The following AK5 variants were observed in gnomAD, a reference collection of about 807,000 sequenced individuals.
AK5 encodes the protein adenylate kinase isoenzyme 5.
AK5 carries 27 observed loss-of-function variants against 69.5 expected under a neutral mutation model. That is an observed-to-expected ratio of 0.39 (90% CI 0.29 to 0.54). AK5 has a LOEUF of 0.54. Among genes scored for constraint, AK5 ranks in the 20% least tolerant of loss-of-function variants. AK5 has a pLI of 0.71. For missense variants in AK5, 531 were observed against 700.4 expected, an observed-to-expected ratio of 0.76 and a Z score of 2.73; for synonymous variants, 260 against 244.4, an observed-to-expected ratio of 1.06 and a Z score of -0.60.
chr1:77,397,541 AT>A (rs555368627), intron 6 of AK5, among the ~76,000 whole-genome samples: 4 of 152,252 alleles, frequency 2.6e-5, no homozygotes, highest in East Asian at 1.9e-4. Flanking sequence ...ATCCAATTAA[AT>A]TTTTTTAATA....
chr1:77,391,390 AAT>A (rs35685699), intron 6 of AK5, among the ~76,000 whole-genome samples: 57 of 141,646 alleles, frequency 4.0e-4, no homozygotes, highest in African/African-American at 1.3e-3. Context: ...CAAAAAAAAA[AAT>A]ATATATATAT....
intron 10 of AK5, among the ~76,000 whole-genome samples, chr1:77,499,717 G>A (rs1452540575): frequency 5.3e-5 from 8 of 152,106 alleles, no homozygotes; most frequent in Non-Finnish European, 5.9e-5. Flanking sequence ...GTTCAGCAGT[G>A]AGAAACCTGG....
At chr1:77,406,050 A>C (rs1241555932) in intron 6 of AK5, among the ~76,000 whole-genome samples, 1 of 152,218 alleles carries the variant, frequency 6.6e-6, no homozygotes, top group East Asian at 1.9e-4. Flanking sequence ...CAAAAGTTCA[A>C]GGAAAAATAG....
intron 6 of AK5, among the ~76,000 whole-genome samples, chr1:77,367,645 T>TTATATATATGTTA (rs1204447838): frequency 1.5e-5 from 1 of 65,356 alleles, no homozygotes; most frequent in Non-Finnish European, 2.7e-5. Context: ...ATATGTTATG[T>TTATATATATGTTA]TATATATGTT....
chr1:77,373,650 C>T (rs574902220), intron 6 of AK5, among the ~76,000 whole-genome samples: 24 of 151,678 alleles, frequency 1.6e-4, no homozygotes, highest in African/African-American at 5.3e-4. Flanking sequence ...CGCTTGAACC[C>T]GGGAGGTGGA....
At chr1:77,488,847 AACAGCCTC>A (rs1370110961) in intron 10 of AK5, among the ~76,000 whole-genome samples, 1 of 152,190 alleles carries the variant, frequency 6.6e-6, no homozygotes, top group Non-Finnish European at 1.5e-5. Context: ...CCCTTTTGGC[AACAGCCTC>A]ACAGACACAC....
At chr1:77,364,881 T>C (rs914880008) in intron 6 of AK5, among the ~76,000 whole-genome samples, 2 of 152,196 alleles carry the variant, frequency 1.3e-5, no homozygotes, top group Non-Finnish European at 2.9e-5. Flanking sequence ...TTTGGATAAA[T>C]GCCCAGTAGT....
At chr1:77,293,185 C>T (rs1254190731) in intron 2 of AK5, among the ~76,000 whole-genome samples, 1 of 152,140 alleles carries the variant, frequency 6.6e-6, no homozygotes, top group Non-Finnish European at 1.5e-5. Flanking sequence ...CTGACCGTGA[C>T]AGTACCTTAA....
intron 8 of AK5, among the ~76,000 whole-genome samples, chr1:77,462,228 G>A (rs1653883346): frequency 2.0e-5 from 3 of 152,150 alleles, no homozygotes; most frequent in South Asian, 4.1e-4. Flanking sequence ...ATCAAGCCAA[G>A]GAACCCTCTC....
chr1:77,321,982 T>C lies in AK5; in HGVS notation c.700-18395T>C, dbSNP rs559186139. Among the ~76,000 whole-genome samples the C allele has an allele frequency of 4.6e-5, 7 of 152,350 alleles. No homozygotes were observed. The East Asian group carries it at 1.3e-3, about 29-fold the overall frequency. ...TACTAATCAATTGTATTTCTATATA[T>C]TAGCAGCAAATTTTTATGTACTATG... On this transcript the variant is annotated intron_variant, in intron 5 of 13. Transcript: ENST00000354567.
chr1:77,297,617 C>T lies in AK5; in HGVS notation c.474C>T (p.Phe158=). Residue 158 remains phenylalanine, a synonymous_variant, in exon 4 of 14, where the codon TTC becomes TTT. Transcript: ENST00000354567. ...TGAAAATTGCAGAACGATATGGATTCCAATACATTTCTGTGGGAGAATTAT... is the reference window on the plus strand; with the variant it reads ...TGAAAATTGCAGAACGATATGGATTTCAATACATTTCTGTGGGAGAATTAT... The part of the protein sequence containing the change: ...QSLKIAERYG[F]QYISVGELLR... The T allele has an allele frequency of 2.5e-6, 4 of 1,613,802 alleles. No homozygotes were observed. The highest frequency in any genetic ancestry group is 2.5e-6 in the Non-Finnish European group (3 of 1,179,894).
intron 10 of AK5, among the ~76,000 whole-genome samples, chr1:77,515,876 G>T (rs1287658487): frequency 2.0e-5 from 3 of 152,090 alleles, no homozygotes; most frequent in Admixed American, 6.6e-5. Flanking sequence ...CATAGCAAGA[G>T]ACCCTGTCTC....
intron 10 of AK5, among the ~76,000 whole-genome samples, chr1:77,486,694 C>CAA (rs879594150): frequency 5.6e-5 from 5 of 88,772 alleles, no homozygotes; most frequent in East Asian, 3.2e-4. Flanking sequence ...AAGACTCTGT[C>CAA]AAAAAAAAAA....
intron 10 of AK5, among the ~76,000 whole-genome samples, chr1:77,517,509 T>C (rs1242057549): frequency 2.0e-5 from 3 of 152,216 alleles, no homozygotes; most frequent in African/African-American, 7.2e-5. Flanking sequence ...ATGGGAATAA[T>C]AACAGTGCAT....
chr1:77,392,557 C>A (rs1050016199), intron 6 of AK5, among the ~76,000 whole-genome samples: 2 of 152,080 alleles, frequency 1.3e-5, no homozygotes, highest in African/African-American at 2.4e-5. Context: ...AAAGAGAGAA[C>A]CTATATTGGT....
intron 6 of AK5, among the ~76,000 whole-genome samples, chr1:77,367,393 A>G (rs912147166): frequency 3.3e-5 from 5 of 150,010 alleles, no homozygotes; most frequent in African/African-American, 9.8e-5. Context: ...CAGTGGAGCA[A>G]CCATGGCCCA....
Position 77,360,127 on chromosome 1 carries a change from G to A in AK5, c.891+19559G>A, listed in dbSNP as rs1437747159. Among the ~76,000 whole-genome samples the A allele has an allele frequency of 4.6e-5, 7 of 152,240 alleles. No individual in the cohort carries two copies. In the South Asian group the frequency reaches 8.3e-4, roughly 18 times the overall value. ...AGGTTGTTTTCCCATTCATTAATTC[G>A]GTAAGTATGCATTACCATTGGTGAA... On this transcript the variant is annotated intron_variant, in intron 6 of 13. Coordinates refer to ENST00000354567, the MANE Select transcript of AK5 (RefSeq NM_174858.3).
chr1:77,476,445 C>G (rs1205783612), intron 8 of AK5, among the ~76,000 whole-genome samples: 1 of 151,704 alleles, frequency 6.6e-6, no homozygotes, highest in African/African-American at 2.4e-5. Context: ...TTCAAAACTT[C>G]ATTCACAGTT....
At chr1:77,414,695 A>AAAT (rs534060433) in intron 7 of AK5, among the ~76,000 whole-genome samples, 94 of 152,312 alleles carry the variant, frequency 6.2e-4, no homozygotes, top group African/African-American at 1.9e-3. Context: ...AGAAATTGAA[A>AAAT]AATTCAAAAC....
Sources: gnomAD v4.1 joint callset for allele counts (sites outside exome capture counted in the v4.1 genomes callset) on GRCh38, gnomAD v4.1.1 for gene constraint, MANE v1.5 for transcripts, NCBI Gene and HGNC (gene_info 2026-07-23, HGNC 2026-07-21) for gene names.